TSG101: variants seen among roughly 807,000 people sequenced by gnomAD.
The protein encoded by TSG101 is tumor susceptibility gene 101 protein.
In TSG101, 19 loss-of-function variants were observed where a neutral mutation model predicts 48.5. The ratio of observed to expected loss-of-function variants is 0.39; its 90% CI spans 0.27 to 0.58. TSG101 has a LOEUF of 0.58. TSG101 is among the 20% of genes least tolerant of loss of function. The probability of loss-of-function intolerance (pLI) is 0.55; values close to 1 mark genes in which losing one functional copy is unlikely to be tolerated. For synonymous variants in TSG101, 174 were observed against 169.4 expected, an observed-to-expected ratio of 1.03 and a Z score of -0.21; for missense variants, 365 against 484.4, an observed-to-expected ratio of 0.75 and a Z score of 2.31.
At chr11:18,492,569 T>C (rs1392501335) in intron 7 of TSG101, among the ~76,000 whole-genome samples, 1 of 152,060 alleles carries the variant, frequency 6.6e-6, no homozygotes, top group Non-Finnish European at 1.5e-5. Flanking sequence ...ACCAAATAAG[T>C]CCTTGCCAAG....
At chr11:18,500,686 T>C (rs1430688985) in intron 7 of TSG101, among the ~76,000 whole-genome samples, 7 of 152,226 alleles carry the variant, frequency 4.6e-5, no homozygotes, top group African/African-American at 1.7e-4. Flanking sequence ...TGTTTTACTG[T>C]TGAGTGGTTT....
chr11:18,512,623 T>G (rs951826907), intron 4 of TSG101, among the ~76,000 whole-genome samples: 1 of 152,080 alleles, frequency 6.6e-6, no homozygotes, highest in Non-Finnish European at 1.5e-5. Context: ...TGAAAAATTA[T>G]AGAGAGTCTA....
chr11:18,513,973 G>A (rs1164955463), intron 4 of TSG101, among the ~76,000 whole-genome samples: 2 of 152,020 alleles, frequency 1.3e-5, no homozygotes, highest in Admixed American at 1.3e-4. Flanking sequence ...CATCTACTCA[G>A]TAGGTTGAGT....
At chr11:18,506,794 T>C in intron 6 of TSG101, 63 bp downstream of exon 6, 1 of 1,365,626 alleles carries the variant, frequency 7.3e-7, no homozygotes, top group South Asian at 1.7e-5. Flanking sequence ...AGCAAATTAT[T>C]TTGATTCTAG....
chr11:18,483,817 T>C, intron 8 of TSG101, 53 bp downstream of exon 8: 1 of 1,591,110 alleles, frequency 6.3e-7, no homozygotes, highest in South Asian at 1.1e-5. Context: ...TAGAACACTC[T>C]GCCATGGCTA....
Position 18,526,870 on chromosome 11 carries a change from G to GC in TSG101, c.-55dup, listed in dbSNP as rs1197492764. ...CAGGCAGAGGGTCAGCCGCTGCTGG[G>GC]CTGCCCCAGACCGTCCCACACAATC... is the stretch of plus-strand genomic sequence containing the variant. On this transcript the variant is annotated 5_prime_UTR_variant, in exon 1 of 10. Coordinates refer to ENST00000251968, the MANE Select transcript of TSG101 (RefSeq NM_006292.4). 1.3e-6 allele frequency: 2 copies of GC among 1,576,142 alleles called. No individual in the cohort carries two copies. Among genetic ancestry groups the GC allele is most frequent in the Non-Finnish European group, 1.7e-6 (2 of 1,167,394 alleles).
At chr11:18,522,622 G>A (rs1307109878) in intron 1 of TSG101, among the ~76,000 whole-genome samples, 4 of 152,178 alleles carry the variant, frequency 2.6e-5, no homozygotes, top group African/African-American at 9.7e-5. Context: ...AGCATCTAGA[G>A]TAATATTGCT....
chr11:18,492,283 G>A (rs1233443075), intron 7 of TSG101, among the ~76,000 whole-genome samples: 2 of 152,170 alleles, frequency 1.3e-5, no homozygotes, highest in Non-Finnish European at 2.9e-5. Context: ...CTATAATTAA[G>A]CATTCAATCA....
At position 18,481,749 on chromosome 11, in the gene TSG101, C is replaced by T. The variant is rs767709099; in HGVS notation, c.964G>A (p.Ala322Thr). 1.9e-6 allele frequency: 3 copies of T among 1,614,188 alleles called. No individual in the cohort carries two copies. The highest frequency in any genetic ancestry group is 1.1e-5 in the South Asian group (1 of 91,090). ...NDIDEVIIPT[A>T]PLYKQILNLY... ...TTCAGGATCTGTTTGTATAAGGGAG[C>T]TGTGGGAATGATAACTTCATCGATA... is the stretch of plus-strand genomic sequence containing the variant. The change falls in exon 9 of 10, where the codon GCT becomes ACT. Residue 322 changes from alanine (A) to threonine (T), a missense_variant. By Grantham distance (58) the Ala-to-Thr change is moderately conservative. Coordinates refer to ENST00000251968, the MANE Select transcript of TSG101 (RefSeq NM_006292.4).
At chr11:18,495,690 T>C (rs1275925745) in intron 7 of TSG101, among the ~76,000 whole-genome samples, 2 of 149,354 alleles carry the variant, frequency 1.3e-5, no homozygotes, top group Non-Finnish European at 3.0e-5. Flanking sequence ...TTTTGCTACA[T>C]GAATTGGTTT....
chr11:18,525,024 T>C (rs538067411), intron 1 of TSG101, among the ~76,000 whole-genome samples: 1 of 150,402 alleles, frequency 6.6e-6, no homozygotes, highest in African/African-American at 2.4e-5. Context: ...GATTCTCCCA[T>C]CTCAGCCTCC....
intron 4 of TSG101, among the ~76,000 whole-genome samples, chr11:18,512,479 C>T (rs555599388): frequency 6.6e-6 from 1 of 152,226 alleles, no homozygotes; most frequent in South Asian, 2.1e-4. Flanking sequence ...ATTTTTAAGT[C>T]TGTGTCTGAT....
At chr11:18,519,381 C>A in intron 2 of TSG101, 138 bp downstream of exon 2, 1 of 656,266 alleles carries the variant, frequency 1.5e-6, no homozygotes, top group Non-Finnish European at 2.7e-6. Flanking sequence ...AATTTGCTAC[C>A]CTCCAACAGT....
In TSG101 at chr11:18,493,938, G is replaced by A. The variant is rs572519372; in HGVS notation, c.640+8548C>T. ...GAGCTTTTCTTCCAAAGAAATTAGG[G>A]GGCCTCAATTTATCTTTTAAACACT... On this transcript the variant is annotated intron_variant, in intron 7 of 9. Transcript: ENST00000251968. Among the ~76,000 whole-genome samples, 11 of 152,152 alleles carry A rather than the reference G, an allele frequency of 7.2e-5. No homozygotes were observed. In the South Asian group the frequency reaches 1.2e-3, roughly 17 times the overall value.
At position 18,526,896 on chromosome 11, in the gene TSG101, G is replaced by A. The variant is rs1014288385; in HGVS notation, c.-80C>T. 9 of 1,489,408 alleles carry A rather than the reference G, an allele frequency of 6.0e-6. No homozygotes were observed. The highest frequency in any genetic ancestry group is 2.4e-5 in the East Asian group (1 of 41,170). 92.3% of individuals were successfully genotyped at this position (1,489,408 alleles called of 1,614,324 possible). Reference sequence around the variant, plus strand: ...CTGCCCCAGACCGTCCCACACAATCGCACACCCCCAACCCGGCCTCAAACA... The same window carrying A: ...CTGCCCCAGACCGTCCCACACAATCACACACCCCCAACCCGGCCTCAAACA... On this transcript the variant is annotated 5_prime_UTR_variant, in exon 1 of 10. Coordinates refer to ENST00000251968, the MANE Select transcript of TSG101 (RefSeq NM_006292.4).
At chr11:18,482,020 G>A (rs1590267649) in intron 8 of TSG101, 151 bp from the exon 9 acceptor site, 1 of 1,124,384 alleles carries the variant, frequency 8.9e-7, no homozygotes. Flanking sequence ...CTGGTCAAAG[G>A]TAGAGGAAAA....
intron 7 of TSG101, among the ~76,000 whole-genome samples, chr11:18,498,306 G>A (rs1261771313): frequency 1.3e-5 from 2 of 152,132 alleles, no homozygotes; most frequent in Non-Finnish European, 2.9e-5. Context: ...TTTGAGCAGA[G>A]GAGTGATACA....
chr11:18,514,935 T>C (rs961524600), intron 3 of TSG101, 94 bp from the exon 4 acceptor site: 2 of 1,174,590 alleles, frequency 1.7e-6, no homozygotes, highest in Non-Finnish European at 2.3e-6. Flanking sequence ...AGATACAATT[T>C]ATACATATAT....
At chr11:18,497,154 A>T (rs56991251) in intron 7 of TSG101, among the ~76,000 whole-genome samples, 29,994 of 152,084 alleles carry the variant, frequency 0.2, 3,095 homozygotes, top group East Asian at 0.25. Flanking sequence ...TGGCCTCAGT[A>T]ACAGAATAAC....
Sources: allele counts gnomAD v4.1 joint callset (sites outside exome capture counted in the v4.1 genomes callset), GRCh38; gene constraint gnomAD v4.1.1; transcripts MANE v1.5; gene names NCBI Gene and HGNC (gene_info 2026-07-23, HGNC 2026-07-21).